Variants in RFX2 observed in about 807,000 individuals in gnomAD.
RFX2 encodes the protein DNA-binding protein RFX2.
A neutral mutation model predicts 87.8 loss-of-function variants in RFX2; 20 were observed. The observed-to-expected ratio is 0.23, with a 90% confidence interval of 0.16 to 0.33. The LOEUF is 0.33. RFX2 is among the 10% of genes least tolerant of loss of function. The probability of loss-of-function intolerance (pLI) is 1.00; values close to 1 mark genes in which losing one functional copy is unlikely to be tolerated. For synonymous variants in RFX2, 397 were observed against 431.3 expected, an observed-to-expected ratio of 0.92 and a Z score of 0.98; for missense variants, 767 against 1,012.3, an observed-to-expected ratio of 0.76 and a Z score of 3.29.
rs1385955176 is a variant in RFX2, at chr19:6,049,775, G to A, written c.-8-2271C>T. On this transcript the variant is annotated intron_variant, in intron 1 of 17. Transcript: ENST00000303657. ...ACTCCTGGCCTCATGTGATCTGCCT[G>A]CCTCAGCCTCCCAAAGTGCTGGGAT... Among the ~76,000 whole-genome samples the A allele has an allele frequency of 5.3e-5, 8 of 152,214 alleles. No individual in the cohort carries two copies. In the East Asian group the frequency reaches 1.5e-3, roughly 29 times the overall value.
At chr19:5,996,445 C>T (rs968731360) in intron 16 of RFX2, among the ~76,000 whole-genome samples, 28 of 152,178 alleles carry the variant, frequency 1.8e-4, no homozygotes, top group Admixed American at 1.8e-3. Context: ...TGACAGACGC[C>T]GGACACAAAA....
At chr19:6,052,676 T>C (rs956516317) in intron 1 of RFX2, among the ~76,000 whole-genome samples, 4 of 152,182 alleles carry the variant, frequency 2.6e-5, no homozygotes, top group African/African-American at 9.7e-5. Flanking sequence ...CAAAATACCA[T>C]AATTATACAG....
In RFX2 at chr19:5,994,624, C is replaced by G; in HGVS notation, c.*211G>C. ...CGCAGGGACCTGGGGACCCAGAGCA[C>G]AGCTACAGCCAGTGGGAGCCCTGGC... On this transcript the variant is annotated 3_prime_UTR_variant, in exon 18 of 18. Coordinates refer to ENST00000303657, the MANE Select transcript of RFX2 (RefSeq NM_000635.4). 1.7e-6 allele frequency: 1 copy of G among 576,368 alleles called. No individual in the cohort carries two copies. 35.7% of individuals were successfully genotyped at this position (576,368 alleles called of 1,614,324 possible).
intron 1 of RFX2, among the ~76,000 whole-genome samples, chr19:6,055,729 T>C (rs1375682836): frequency 1.3e-5 from 2 of 152,180 alleles, no homozygotes; most frequent in Non-Finnish European, 2.9e-5. Flanking sequence ...ATAACCCAAA[T>C]GTTCCTCATC....
intron 5 of RFX2, among the ~76,000 whole-genome samples, chr19:6,028,990 G>C (rs2144739704): frequency 6.6e-6 from 1 of 151,696 alleles, no homozygotes; most frequent in Non-Finnish European, 1.5e-5. Context: ...GAGGCAGAAG[G>C]ATCGCTTGAA....
Position 6,004,778 on chromosome 19 carries a change from A to G in RFX2, c.1403-480T>C. On this transcript the variant is annotated intron_variant, in intron 12 of 17. Coordinates refer to ENST00000303657, the MANE Select transcript of RFX2 (RefSeq NM_000635.4). This position sits in a 1 kb window ranked among gnomAD's most constrained non-coding sequence, Gnocchi z 4.8. ...AATTTATTTTAAAGTGGGTTAGAAT[A>G]AGAAGCAAATGATCAGACTGTTAAA... Among the ~76,000 whole-genome samples, 1 of 151,804 alleles carries G rather than the reference A, an allele frequency of 6.6e-6. No homozygotes were observed. The highest frequency in any genetic ancestry group is 1.5e-5 in the Non-Finnish European group (1 of 67,998).
At chr19:6,055,929 C>T (rs1202794372) in intron 1 of RFX2, among the ~76,000 whole-genome samples, 4 of 151,816 alleles carry the variant, frequency 2.6e-5, no homozygotes, top group Non-Finnish European at 5.9e-5. Context: ...ATCTCAAAAT[C>T]ATTACGCTGA....
At chr19:6,100,540 C>G (rs1199017296) in intron 1 of RFX2, among the ~76,000 whole-genome samples, 1 of 152,094 alleles carries the variant, frequency 6.6e-6, no homozygotes, top group Non-Finnish European at 1.5e-5. Context: ...GAGAGGAGGG[C>G]TACTTCCAGT....
chr19:6,079,884 CA>C (rs1160044956), intron 1 of RFX2, among the ~76,000 whole-genome samples: 9,435 of 76,542 alleles, frequency 0.12, 694 homozygotes, highest in African/African-American at 0.26. Flanking sequence ...GACTCTGTCT[CA>C]AAAAAAAAAA....
At position 6,039,990 on chromosome 19, in the gene RFX2, G is replaced by A. The variant is rs1488127594; in HGVS notation, c.512C>T (p.Ser171Leu). The change falls in exon 5 of 18, where the codon TCG becomes TTG. Residue 171 changes from serine to leucine, a missense_variant. Coordinates refer to ENST00000303657, the MANE Select transcript of RFX2 (RefSeq NM_000635.4). This position sits in a 1 kb window ranked among gnomAD's most constrained non-coding sequence, Gnocchi z 5.2. ...RHSLAHTSRS[S>L]PATLEMAIEN... ...GAGCCTCCTACATACCGTGGCGGGC[G>A]ATGAGCGGGAGGTGTGGGCCAGGGA... 3.8e-6 allele frequency: 6 copies of A among 1,580,080 alleles called. No individual in the cohort carries two copies. The highest frequency in any genetic ancestry group is 1.8e-4 in the Middle Eastern group (1 of 5,682).
chr19:6,059,567 A>G (rs758142270), intron 1 of RFX2, among the ~76,000 whole-genome samples: 13 of 152,132 alleles, frequency 8.5e-5, no homozygotes, highest in Non-Finnish European at 1.9e-4. Flanking sequence ...TTGGAGTGAA[A>G]GGTAACTGGA....
chr19:6,019,637 C>T (rs760358413), intron 6 of RFX2, among the ~76,000 whole-genome samples: 19 of 150,708 alleles, frequency 1.3e-4, no homozygotes, highest in Non-Finnish European at 2.7e-4. Flanking sequence ...GTCACCACCC[C>T]AGGCTGGAGC....
chr19:6,079,958 T>TA (rs1314623130), intron 1 of RFX2, among the ~76,000 whole-genome samples: 2 of 149,308 alleles, frequency 1.3e-5, no homozygotes, highest in Non-Finnish European at 3.0e-5. Flanking sequence ...AACACGACTG[T>TA]ATGTAGATTT....
chr19:6,013,148 C>A lies in RFX2; in HGVS notation c.780-43G>T. The A allele has an allele frequency of 2.0e-6, 3 of 1,535,674 alleles. No homozygotes were observed. The highest frequency in any genetic ancestry group is 2.6e-6 in the Non-Finnish European group (3 of 1,143,926). ...CAGGGTCAGCTCCCTTTGCAGATGT[C>A]CTGAACAACAAGACAGGTTGGGATT... On this transcript the variant is annotated intron_variant, in intron 7 of 17. Transcript: ENST00000303657. The surrounding 1 kb of genome is among the most constrained non-coding windows in gnomAD (Gnocchi z 4.1).
In RFX2 at chr19:6,016,744, C is replaced by T. The variant is rs935360051; in HGVS notation, c.598-473G>A. On this transcript the variant is annotated intron_variant, in intron 6 of 17. Coordinates refer to ENST00000303657, the MANE Select transcript of RFX2 (RefSeq NM_000635.4). This position sits in a 1 kb window ranked among gnomAD's most constrained non-coding sequence, Gnocchi z 5.4. ...GAGTTCTCTAAGCAGATTAATGAATCCCTCATTTTCTTTTGCTTATTGATT... is the reference window on the plus strand; with the variant it reads ...GAGTTCTCTAAGCAGATTAATGAATTCCTCATTTTCTTTTGCTTATTGATT... Among the ~76,000 whole-genome samples, 3 of 152,178 alleles carry T rather than the reference C, an allele frequency of 2.0e-5. No individual in the cohort carries two copies. The highest frequency in any genetic ancestry group is 7.2e-5 in the African/African-American group (3 of 41,458).
chr19:6,030,211 C>T (rs2144742172), intron 5 of RFX2, among the ~76,000 whole-genome samples: 1 of 152,290 alleles, frequency 6.6e-6, no homozygotes, highest in South Asian at 2.1e-4. Context: ...TATAATCAAA[C>T]TGTTGAAAGG....
intron 1 of RFX2, among the ~76,000 whole-genome samples, chr19:6,091,836 C>T (rs1455394166): frequency 6.6e-6 from 1 of 152,082 alleles, no homozygotes; most frequent in East Asian, 1.9e-4. Flanking sequence ...CAGAATAAGC[C>T]GAGGGACTGA....
intron 1 of RFX2, among the ~76,000 whole-genome samples, chr19:6,062,031 T>C (rs1487290992): frequency 6.6e-6 from 1 of 152,046 alleles, no homozygotes; most frequent in Non-Finnish European, 1.5e-5. Flanking sequence ...GGAAGGTGGC[T>C]GATGTCTGTA....
chr19:6,105,796 G>C (rs10401351), intron 1 of RFX2, among the ~76,000 whole-genome samples: 27,215 of 151,920 alleles, frequency 0.18, 4,164 homozygotes, highest in African/African-American at 0.42. Flanking sequence ...ACAGTCCTGA[G>C]GTTTGGCCTG....
Sources: allele counts gnomAD v4.1 joint callset (sites outside exome capture counted in the v4.1 genomes callset), GRCh38; gene constraint gnomAD v4.1.1; non-coding constraint Gnocchi (gnomAD v3.1); transcripts MANE v1.5; gene names NCBI Gene and HGNC (gene_info 2026-07-23, HGNC 2026-07-21).